TEX9: variants seen among roughly 807,000 people sequenced by gnomAD.
TEX9 encodes the protein testis-expressed protein 9.
Under a neutral mutation model 59.6 loss-of-function variants are expected in TEX9, and 74 were observed. The ratio of observed to expected loss-of-function variants is 1.24; its 90% CI spans 1.03 to 1.51. The LOEUF is 1.51. Among genes scored for constraint, TEX9 ranks in the 40% most tolerant of loss-of-function variants. TEX9 has a pLI of 0.00. For synonymous variants in TEX9, 186 were observed against 152.2 expected (o/e 1.22, Z -1.64); for missense variants, 522 against 447.8 (o/e 1.17, Z -1.49).
intron 1 of TEX9, among the ~76,000 whole-genome samples, chr15:56,332,980 A>C (rs1211963228): frequency 2.0e-5 from 3 of 152,208 alleles, no homozygotes; most frequent in Non-Finnish European, 4.4e-5. Context: ...GAAGAAATCC[A>C]AAACTTAAAC....
In TEX9 at chr15:56,301,546, G is replaced by GA. The variant is rs571577549; in HGVS notation, c.-107+57277dup. On this transcript the variant is annotated intron_variant, in intron 1 of 5. Coordinates refer to the TEX9 transcript ENST00000560827. ...AGAAAGGATGCTAAAAGCAGCAAGA[G>GA]AAAAAAAAATGAAGAACATAAAAAA... 2.0e-4 allele frequency among the ~76,000 whole-genome samples: 29 copies of GA among 145,778 alleles called. No individual in the cohort carries two copies. The East Asian group carries it at 4.2e-3, about 21-fold the overall frequency.
intron 6 of TEX9, among the ~76,000 whole-genome samples, chr15:56,389,606 T>C (rs2048114547): frequency 6.6e-6 from 1 of 151,984 alleles, no homozygotes; most frequent in Non-Finnish European, 1.5e-5. Flanking sequence ...ATATTTTATA[T>C]TGTTCTCTTA....
In TEX9 at chr15:56,267,936, G is replaced by A. The variant is rs561582731; in HGVS notation, c.-107+23658G>A. On this transcript the variant is annotated intron_variant, in intron 1 of 5. Coordinates refer to the TEX9 transcript ENST00000560827. ...CCTTAAACAGTATGGCCATTTTCAC[G>A]ATATTGATTCTTCCTGTCTGTGAGC... Among the ~76,000 whole-genome samples the A allele has an allele frequency of 4.8e-3, 724 of 152,254 alleles. 5 individuals carry two copies. The highest frequency in any genetic ancestry group is 0.017 in the African/African-American group (692 of 41,538).
chr15:56,371,551 T>C (rs1173284120), intron 2 of TEX9, among the ~76,000 whole-genome samples: 1 of 152,186 alleles, frequency 6.6e-6, no homozygotes, highest in African/African-American at 2.4e-5. Context: ...TTCCCTTTCC[T>C]CACATCTGCT....
the TEX9 span, among the ~76,000 whole-genome samples, chr15:56,457,060 A>C: frequency 6.6e-6 from 1 of 152,208 alleles, no homozygotes; most frequent in Non-Finnish European, 1.5e-5. Flanking sequence ...ATCAAAATCC[A>C]AACAAGATCC....
intron 12 of TEX9, chr15:56,443,968 G>T: frequency 1.2e-6 from 1 of 817,342 alleles, no homozygotes; most frequent in Non-Finnish European, 1.8e-6. Context: ...ATTCGTGCAT[G>T]CAACAAACAT....
chr15:56,426,353 C>G (rs2050242287), intron 10 of TEX9, among the ~76,000 whole-genome samples: 1 of 151,808 alleles, frequency 6.6e-6, no homozygotes. Context: ...GAGCAAAACA[C>G]CATGACATTT....
chr15:56,356,851 A>G (rs1480660009), intron 1 of TEX9, among the ~76,000 whole-genome samples: 2 of 152,072 alleles, frequency 1.3e-5, no homozygotes, highest in Admixed American at 6.6e-5. Context: ...TTGGCATCAC[A>G]TGGTGGTGGT....
At chr15:56,266,058 T>C (rs1473300229) in intron 1 of TEX9, among the ~76,000 whole-genome samples, 1 of 152,156 alleles carries the variant, frequency 6.6e-6, no homozygotes, top group African/African-American at 2.4e-5. Flanking sequence ...GCAAATCTTT[T>C]GTTAGATGTG....
At chr15:56,377,081 C>T (rs754412034) in intron 3 of TEX9, among the ~76,000 whole-genome samples, 9 of 152,034 alleles carry the variant, frequency 5.9e-5, no homozygotes, top group Non-Finnish European at 1.3e-4. Context: ...GGATTTGTTT[C>T]TGGATTTTCT....
chr15:56,446,817 C>A, downstream of TEX9: 1 of 1,534,080 alleles, frequency 6.5e-7, no homozygotes, highest in Non-Finnish European at 9.0e-7. Context: ...AAGCTAAAAA[C>A]ATAATGACCA....
chr15:56,288,513 G>A (rs2045006120), intron 1 of TEX9, among the ~76,000 whole-genome samples: 1 of 152,044 alleles, frequency 6.6e-6, no homozygotes, highest in Non-Finnish European at 1.5e-5. Flanking sequence ...CCAGATACAG[G>A]ATTTTTGGTT....
intron 1 of TEX9, among the ~76,000 whole-genome samples, chr15:56,273,906 G>A (rs1306371719): frequency 1.3e-5 from 2 of 152,068 alleles, no homozygotes; most frequent in African/African-American, 2.4e-5. Context: ...ATGTATCCAG[G>A]TGGTTTTATT....
intron 1 of TEX9, among the ~76,000 whole-genome samples, chr15:56,246,260 C>T (rs1276832858): frequency 6.6e-6 from 1 of 152,118 alleles, no homozygotes; most frequent in Non-Finnish European, 1.5e-5. Context: ...TGGTGGTAAA[C>T]CTTTTCCGGC....
intron 9 of TEX9, among the ~76,000 whole-genome samples, chr15:56,403,160 A>T (rs192747677): frequency 1.1e-4 from 17 of 152,240 alleles, no homozygotes; most frequent in Admixed American, 9.2e-4. Flanking sequence ...GAAAGCAATA[A>T]AGGGTATTCA....
chr15:56,382,812 CT>C (rs757169435), intron 3 of TEX9, among the ~76,000 whole-genome samples: 10 of 152,152 alleles, frequency 6.6e-5, no homozygotes, highest in Non-Finnish European at 1.0e-4. Flanking sequence ...ACTTTTGTTG[CT>C]GTGAACTGCA....
At chr15:56,442,187 T>C (rs1343273502) in intron 12 of TEX9, among the ~76,000 whole-genome samples, 2 of 152,038 alleles carry the variant, frequency 1.3e-5, no homozygotes, top group Non-Finnish European at 2.9e-5. Context: ...AATGAGATAC[T>C]ATCTCACATC....
chr15:56,458,333 G>A, the TEX9 span, among the ~76,000 whole-genome samples: 3 of 152,124 alleles, frequency 2.0e-5, no homozygotes, highest in African/African-American at 4.8e-5. Context: ...AAATTGAGCA[G>A]AAAGTACACA....
At chr15:56,444,174 C>T (rs78770275) in intron 12 of TEX9, among the ~76,000 whole-genome samples, 4,663 of 152,102 alleles carry the variant, frequency 0.031, 262 homozygotes, top group African/African-American at 0.11. Context: ...AATACCTGTC[C>T]TCTGACATAT....
Sources: gnomAD v4.1 joint callset for allele counts (sites outside exome capture counted in the v4.1 genomes callset) on GRCh38, gnomAD v4.1.1 for gene constraint, MANE v1.5 for transcripts, NCBI Gene and HGNC (gene_info 2026-07-23, HGNC 2026-07-21) for gene names.